DNAJC13: variants seen among roughly 807,000 people sequenced by gnomAD.
DNAJC13 encodes the protein DnaJ heat shock protein family (Hsp40) member C13.
In DNAJC13, 75 loss-of-function variants were observed where a neutral mutation model predicts 290.5. That is an observed-to-expected ratio of 0.26 (90% CI 0.21 to 0.31). The LOEUF is 0.31. Ranked by LOEUF, DNAJC13 falls within the 10% of genes least tolerant of loss-of-function variation. The probability of loss-of-function intolerance (pLI) is 1.00; values close to 1 mark genes in which losing one functional copy is unlikely to be tolerated. For missense variants in DNAJC13, 2,260 were observed against 2,674.5 expected, an observed-to-expected ratio of 0.85 and a Z score of 3.42; for synonymous variants, 862 against 892.0, an observed-to-expected ratio of 0.97 and a Z score of 0.60.
intron 45 of DNAJC13, 114 bp from the exon 46 acceptor site, chr3:132,514,457 C>T: frequency 1.6e-6 from 1 of 640,150 alleles, no homozygotes; most frequent in Non-Finnish European, 2.6e-6. Flanking sequence ...TATCTAAAAA[C>T]TAAATGTTTC....
chr3:132,515,051 G>A (rs1285284970), intron 46 of DNAJC13, among the ~76,000 whole-genome samples: 1 of 152,148 alleles, frequency 6.6e-6, no homozygotes, highest in East Asian at 1.9e-4. Flanking sequence ...TCAAATCTGT[G>A]TACTTTGTCT....
At chr3:132,452,279 T>C (rs1933440840) in intron 6 of DNAJC13, among the ~76,000 whole-genome samples, 1 of 152,220 alleles carries the variant, frequency 6.6e-6, no homozygotes, top group African/African-American at 2.4e-5. Context: ...TAATCCACTT[T>C]CTCACTGTAA....
chr3:132,463,599 T>C (rs1933879458), intron 16 of DNAJC13, 97 bp from the exon 17 acceptor site: 1 of 1,398,168 alleles, frequency 7.2e-7, no homozygotes, highest in Non-Finnish European at 9.6e-7. Flanking sequence ...ACATACTGAA[T>C]GTTTTTTTCA....
chr3:132,434,677 T>C, intron 2 of DNAJC13, 59 bp downstream of exon 2: 1 of 1,389,596 alleles, frequency 7.2e-7, no homozygotes, highest in Non-Finnish European at 1.0e-6. Flanking sequence ...TAAACATTAC[T>C]GTGTTTCATA....
intron 17 of DNAJC13, among the ~76,000 whole-genome samples, chr3:132,465,214 A>G (rs1332296098): frequency 6.6e-6 from 1 of 152,134 alleles, no homozygotes; most frequent in Admixed American, 6.5e-5. Context: ...GTAATGTAAC[A>G]TATATAAAAC....
intron 1 of DNAJC13, among the ~76,000 whole-genome samples, chr3:132,429,432 A>G (rs1215527163): frequency 6.6e-6 from 1 of 152,172 alleles, no homozygotes; most frequent in East Asian, 1.9e-4. Context: ...TAGAAAAGTG[A>G]TTTATCAGTT....
intron 40 of DNAJC13, 140 bp downstream of exon 40, chr3:132,502,608 C>G (rs1276295552): frequency 1.4e-6 from 1 of 711,652 alleles, no homozygotes; most frequent in Non-Finnish European, 2.1e-6. Flanking sequence ...CTTTTTAAAC[C>G]TAATCACTTA....
chr3:132,489,500 AACTT>A (rs1462094645), intron 31 of DNAJC13, among the ~76,000 whole-genome samples: 1 of 152,072 alleles, frequency 6.6e-6, no homozygotes, highest in African/African-American at 2.4e-5. Flanking sequence ...AAAAAAAAAA[AACTT>A]ATTTAGGTAG....
chr3:132,521,943 G>T (rs925453325), intron 48 of DNAJC13, among the ~76,000 whole-genome samples: 2 of 152,168 alleles, frequency 1.3e-5, no homozygotes, highest in Non-Finnish European at 2.9e-5. Context: ...TTTTGTGGGT[G>T]TTCTGTTATG....
At chr3:132,433,909 G>A (rs915484884) in intron 1 of DNAJC13, among the ~76,000 whole-genome samples, 5 of 152,214 alleles carry the variant, frequency 3.3e-5, no homozygotes, top group African/African-American at 4.8e-5. Context: ...ACCAGTCCCC[G>A]TCTTTAAAAA....
intron 55 of DNAJC13, chr3:132,537,210 G>A (rs1388876233): frequency 2.2e-6 from 1 of 456,116 alleles, no homozygotes; most frequent in African/African-American, 2.0e-5. Flanking sequence ...TCAGGAGCGG[G>A]CTTTAGATCC....
At chr3:132,529,793 A>AAC (rs1357678582) in intron 54 of DNAJC13, among the ~76,000 whole-genome samples, 4 of 151,976 alleles carry the variant, frequency 2.6e-5, no homozygotes, top group Non-Finnish European at 5.9e-5. Context: ...TCTCAAAAAA[A>AAC]AAAAAAAAAA....
Position 132,477,877 on chromosome 3 carries a change from G to C in DNAJC13, c.2534G>C (p.Gly845Ala), listed in dbSNP as rs779235373. Residue 845 changes from glycine (G) to alanine (A), a missense_variant, in exon 23 of 56, where the codon GGA (glycine) becomes GCA (alanine). By Grantham distance (60) the Gly-to-Ala change is moderately conservative. Transcript: ENST00000260818. ...LLEEDENEES[G>A]SIKRSYEFFN... ...GAGGAAGATGAGAATGAAGAAAGTG[G>C]ATCAATTAAGAGATCGTGAGCTACT... The C allele has an allele frequency of 6.2e-7, 1 of 1,612,758 alleles. No individual in the cohort carries two copies. The highest frequency in any genetic ancestry group is 1.7e-5 in the Admixed American group (1 of 59,854).
chr3:132,533,358 CAG>C (rs1375013160), intron 55 of DNAJC13, among the ~76,000 whole-genome samples: 1 of 102,690 alleles, frequency 9.7e-6, no homozygotes, highest in Non-Finnish European at 1.8e-5. Flanking sequence ...TTTTTTGAGA[CAG>C]AGTCTTGGTC....
intron 2 of DNAJC13, among the ~76,000 whole-genome samples, chr3:132,442,522 C>T (rs192695927): frequency 2.0e-5 from 3 of 152,184 alleles, no homozygotes; most frequent in Non-Finnish European, 4.4e-5. Context: ...ATGATCTTAT[C>T]TCCACCAATA....
intron 1 of DNAJC13, among the ~76,000 whole-genome samples, chr3:132,423,408 C>T (rs1432684196): frequency 6.6e-6 from 1 of 152,166 alleles, no homozygotes; most frequent in Non-Finnish European, 1.5e-5. Context: ...TACATTTAAA[C>T]GCTTATACAT....
chr3:132,466,198 G>C, intron 18 of DNAJC13, 101 bp from the exon 19 acceptor site: 1 of 1,433,216 alleles, frequency 7.0e-7, no homozygotes, highest in Non-Finnish European at 9.6e-7. Flanking sequence ...TTACCGTAAA[G>C]TTTTACCCTC....
At chr3:132,525,333 T>A (rs141861790) in intron 51 of DNAJC13, among the ~76,000 whole-genome samples, 36 of 152,082 alleles carry the variant, frequency 2.4e-4, no homozygotes, top group Non-Finnish European at 4.6e-4. Flanking sequence ...AGAGCGAAAC[T>A]CCGTCTCAAA....
rs756640109 is a variant in DNAJC13, at chr3:132,499,147, C to T, written c.4178C>T (p.Ala1393Val). 1.2e-6 allele frequency: 2 copies of T among 1,605,428 alleles called. No individual in the cohort carries two copies. The highest frequency in any genetic ancestry group is 1.7e-6 in the Non-Finnish European group (2 of 1,174,868). The change falls in exon 37 of 56, where the codon GCA becomes GTA. Residue 1393 changes from alanine (A) to valine (V), a missense_variant. Ala to Val is a moderately conservative substitution (Grantham distance 64, BLOSUM62 0). Around this residue, in one of 3 missense-constraint regions of DNAJC13, gnomAD observed 1,494 missense variants for 1,693.7 expected, o/e 0.88. Transcript: ENST00000260818. ...TCAGATTTACAGCCTTATAAATATGCAGGATACCCCATGCTTATTCGGACT... is the reference window on the plus strand; with the variant it reads ...TCAGATTTACAGCCTTATAAATATGTAGGATACCCCATGCTTATTCGGACT... The part of the protein sequence containing the change: ...HKEDLQPYKY[A>V]GYPMLIRTIT...
Sources: allele counts gnomAD v4.1 joint callset (sites outside exome capture counted in the v4.1 genomes callset), GRCh38; gene constraint gnomAD v4.1.1; regional missense constraint gnomAD v4.1.1; transcripts MANE v1.5; gene names NCBI Gene and HGNC (gene_info 2026-07-23, HGNC 2026-07-21).